Variants in SUPT4H1 observed in about 807,000 individuals in gnomAD.
SUPT4H1 encodes the protein SPT4 homolog, DSIF elongation factor subunit, also known as transcription elongation factor SPT4.
A neutral mutation model predicts 19.4 loss-of-function variants in SUPT4H1; 12 were observed. That is an observed-to-expected ratio of 0.62 (90% CI 0.40 to 1.00). SUPT4H1 has a LOEUF of 1.00. SUPT4H1 is among the 50% of genes least tolerant of loss of function. SUPT4H1 has a pLI of 0.00. For synonymous variants in SUPT4H1, 58 were observed against 56.3 expected (o/e 1.03, Z -0.14); for missense variants, 115 against 149.2 (o/e 0.77, Z 1.19).
rs14989 is a variant in SUPT4H1 at position 58,345,264 on chromosome 17, G to A, written c.*982C>T. 7.2e-5 allele frequency: 11 copies of A among 152,144 alleles called. No individual in the cohort carries two copies. The highest frequency in any genetic ancestry group is 5.2e-4 in the Admixed American group (8 of 15,276). 9.4% of individuals were successfully genotyped at this position (152,144 alleles called of 1,614,324 possible). On this transcript the variant is annotated 3_prime_UTR_variant, in exon 5 of 5. Transcript: ENST00000225504. ...AATCACAACAATCCTGAGGTAAACA[G>A]GCAGGGTGCAATCATTCTCTTTTTA...
chr17:58,351,251 C>CAAAAA (rs565767343), intron 2 of SUPT4H1, 151 bp downstream of exon 2: 7 of 368,702 alleles, frequency 1.9e-5, no homozygotes, highest in South Asian at 7.5e-5. Flanking sequence ...AACCCTGATT[C>CAAAAA]AAAAAAAAAA....
At chr17:58,347,605 G>A (rs764995405) in intron 2 of SUPT4H1, 21 bp from the exon 3 acceptor site, 14 of 1,613,774 alleles carry the variant, frequency 8.7e-6, no homozygotes, top group Non-Finnish European at 1.2e-5. Flanking sequence ...AAAAGAAATG[G>A]AGAGTCAGCC....
intron 3 of SUPT4H1, 31 bp from the exon 4 acceptor site, chr17:58,347,272 C>A: frequency 1.2e-6 from 2 of 1,612,548 alleles, no homozygotes; most frequent in Non-Finnish European, 1.7e-6. Context: ...TACAAGATTA[C>A]AGTGAAGTTA....
At position 58,347,543 on chromosome 17, in the gene SUPT4H1, T is replaced by C. The variant is rs1437542374; in HGVS notation, c.218A>G (p.Lys73Arg). Residue 73 changes from lysine (K) to arginine (R), a missense_variant, in exon 3 of 5, where the codon AAG becomes AGG. By Grantham distance (26) the Lys-to-Arg change is conservative. Coordinates refer to ENST00000225504, the MANE Select transcript of SUPT4H1 (RefSeq NM_003168.3). ...CCAACACTTACTGACTCGCTGCCAC[T>C]TGGAGACCCAGCTGTCCTCTGGACT... ...MMSPEDSWVS[K>R]WQRVSNFKPG... The C allele has an allele frequency of 5.6e-6, 9 of 1,614,162 alleles. No individual in the cohort carries two copies. The highest frequency in any genetic ancestry group is 7.6e-6 in the Non-Finnish European group (9 of 1,180,032).
chr17:58,347,216 C>A lies in SUPT4H1; in HGVS notation c.258G>T (p.Ala86=). The A allele has an allele frequency of 6.2e-7, 1 of 1,614,024 alleles. No homozygotes were observed. Among genetic ancestry groups the A allele is most frequent in the Non-Finnish European group, 8.5e-7 (1 of 1,180,010 alleles). Residue 86 remains alanine, a synonymous_variant, in exon 4 of 5, where the codon GCG becomes GCT. Transcript: ENST00000225504. ...RVSNFKPGVY[A]VSVTGRLPQG... is the part of the protein sequence containing the mutation. ...GGGGCAGGCGACCAGTGACTGACACCGCATATACACCTGGCTTAAAGTTAC... is the reference window on the plus strand; with the variant it reads ...GGGGCAGGCGACCAGTGACTGACACAGCATATACACCTGGCTTAAAGTTAC...
intron 2 of SUPT4H1, 82 bp downstream of exon 2, chr17:58,351,320 G>A: frequency 2.2e-6 from 2 of 924,528 alleles, no homozygotes; most frequent in Non-Finnish European, 3.4e-6. Context: ...GCCCAACTAG[G>A]ATTAACACTT....
At position 58,351,149 on chromosome 17, in the gene SUPT4H1, C is replaced by T. The variant is rs544771489; in HGVS notation, c.176+253G>A. On this transcript the variant is annotated intron_variant, in intron 2 of 4. Coordinates refer to ENST00000225504, the MANE Select transcript of SUPT4H1 (RefSeq NM_003168.3). ...GACACAGTGGCTTACACCTATAATC[C>T]CAGCACTCTGGGAGGTTGAAGTCAG... is the stretch of plus-strand genomic sequence containing the variant. Among the ~76,000 whole-genome samples, 4 of 151,386 alleles carry T rather than the reference C, an allele frequency of 2.6e-5. No individual in the cohort carries two copies. The East Asian group carries it at 7.8e-4, about 29-fold the overall frequency.
intron 3 of SUPT4H1, 105 bp downstream of exon 3, chr17:58,347,424 T>A (rs1353624352): frequency 1.4e-6 from 2 of 1,460,432 alleles, no homozygotes; most frequent in South Asian, 2.3e-5. Context: ...ACCCGATCTT[T>A]CCCACCCTGA....
In SUPT4H1 at chr17:58,352,178, C is replaced by T. The variant is rs200985822; in HGVS notation, c.-43G>A. ...ACAACAGGGAGATAGACGACCACAG[C>T]CTGTGCACCCGCAGGAAGTAAATAG... On this transcript the variant is annotated 5_prime_UTR_variant, in exon 1 of 5. Coordinates refer to ENST00000225504, the MANE Select transcript of SUPT4H1 (RefSeq NM_003168.3). 196 of 1,591,632 alleles carry T rather than the reference C, an allele frequency of 1.2e-4. No homozygotes were observed. The highest frequency in any genetic ancestry group is 1.6e-4 in the Non-Finnish European group (185 of 1,160,046).
intron 4 of SUPT4H1, among the ~76,000 whole-genome samples, chr17:58,346,568 T>A (rs1437657196): frequency 2.0e-5 from 3 of 151,740 alleles, no homozygotes; most frequent in African/African-American, 7.3e-5. Flanking sequence ...AAAAAAATTT[T>A]AAAAATTAGC....
At chr17:58,346,811 G>C (rs371261436) in intron 4 of SUPT4H1, among the ~76,000 whole-genome samples, 8 of 151,710 alleles carry the variant, frequency 5.3e-5, no homozygotes, top group African/African-American at 1.9e-4. Context: ...AGAAAAAGAG[G>C]GATACATGTA....
In SUPT4H1 at chr17:58,347,175, T is replaced by G. The variant is rs1432882218; in HGVS notation, c.286+13A>C. 1 of 1,613,292 alleles carries G rather than the reference T, an allele frequency of 6.2e-7. No homozygotes were observed. Among genetic ancestry groups the G allele is most frequent in the African/African-American group, 1.3e-5 (1 of 74,874 alleles). On this transcript the variant is annotated intron_variant, in intron 4 of 4. Coordinates refer to ENST00000225504, the MANE Select transcript of SUPT4H1 (RefSeq NM_003168.3). ...TACAGTAAATGAACATTGGCTGTTA[T>G]GATTATTATTACCTTGGGGCAGGCG... is the stretch of plus-strand genomic sequence containing the variant.
chr17:58,346,399 A>G, intron 4 of SUPT4H1, 86 bp from the exon 5 acceptor site: 5 of 1,094,516 alleles, frequency 4.6e-6, no homozygotes, highest in Middle Eastern at 2.0e-4. Context: ...GGGGGGTACT[A>G]TAAGCAAACT....
intron 2 of SUPT4H1, among the ~76,000 whole-genome samples, chr17:58,349,389 G>T (rs1420911826): frequency 1.3e-5 from 2 of 152,256 alleles, no homozygotes; most frequent in Non-Finnish European, 2.9e-5. Context: ...CTTCTGGTCA[G>T]CCACAGTAAC....
intron 3 of SUPT4H1, 42 bp downstream of exon 3, chr17:58,347,484 TAAC>T: frequency 6.2e-7 from 1 of 1,609,546 alleles, no homozygotes; most frequent in African/African-American, 1.3e-5. Context: ...TGAGGAACAG[TAAC>T]AACACTACAA....
rs1972344747 is a variant in SUPT4H1 at position 58,347,730 on chromosome 17, C to A, written c.177-146G>T. 11 of 755,272 alleles carry A rather than the reference C, an allele frequency of 1.5e-5. No individual in the cohort carries two copies. In the East Asian group the frequency reaches 3.0e-4, roughly 20 times the overall value. 46.8% of individuals were successfully genotyped at this position (755,272 alleles called of 1,614,324 possible). ...CCTTCTGATGTTGGGATGAGGCTGA[C>A]TCAAAGCTAGGACTGACAAAAGTTC... is the stretch of plus-strand genomic sequence containing the variant. On this transcript the variant is annotated intron_variant, in intron 2 of 4. Coordinates refer to ENST00000225504, the MANE Select transcript of SUPT4H1 (RefSeq NM_003168.3).
intron 2 of SUPT4H1, among the ~76,000 whole-genome samples, chr17:58,348,899 C>T (rs377489601): frequency 4.3e-4 from 65 of 152,190 alleles, no homozygotes; most frequent in African/African-American, 1.5e-3. Flanking sequence ...ACAAAAAAAC[C>T]AAACTGAAGT....
chr17:58,350,792 C>T (rs1972476686), intron 2 of SUPT4H1, among the ~76,000 whole-genome samples: 1 of 138,896 alleles, frequency 7.2e-6, no homozygotes, highest in African/African-American at 2.7e-5. Context: ...GCCGAGACTG[C>T]ACCATTGCAC....
rs1479439567 is a variant in SUPT4H1 at position 58,345,716 on chromosome 17, G to A, written c.*530C>T. 6.6e-6 allele frequency: 1 copy of A among 152,658 alleles called. No individual in the cohort carries two copies. The allele number at this position is 152,658 out of a possible 1,614,324, so 9.5% of individuals were successfully genotyped here. ...AAGTGTGAGACACCAGGGCCACCAAGTTGATGGGGTTACTGAGCCTCTGGA... is the reference window on the plus strand; with the variant it reads ...AAGTGTGAGACACCAGGGCCACCAAATTGATGGGGTTACTGAGCCTCTGGA... On this transcript the variant is annotated 3_prime_UTR_variant, in exon 5 of 5. Transcript: ENST00000225504.
Sources: gnomAD v4.1 joint callset for allele counts (sites outside exome capture counted in the v4.1 genomes callset) on GRCh38, gnomAD v4.1.1 for gene constraint, MANE v1.5 for transcripts, NCBI Gene and HGNC (gene_info 2026-07-23, HGNC 2026-07-21) for gene names.